DLG2: variants seen among roughly 807,000 people sequenced by gnomAD.
DLG2 encodes discs large MAGUK scaffold protein 2.
DLG2 carries 45 observed loss-of-function variants against 132.5 expected under a neutral mutation model. The ratio of observed to expected loss-of-function variants is 0.34; its 90% CI spans 0.27 to 0.44. The LOEUF (loss-of-function observed/expected upper bound fraction) is 0.44. Ranked by LOEUF, DLG2 falls within the 20% of genes least tolerant of loss-of-function variation. DLG2 has a pLI of 1.00. For missense variants in DLG2, 1,045 were observed against 1,196.9 expected (o/e 0.87, Z 1.87); for synonymous variants, 424 against 419.6 (o/e 1.01, Z -0.13).
chr11:85,269,406 T>C (rs1170421575), intron 4 of DLG2, among the ~76,000 whole-genome samples: 3 of 152,202 alleles, frequency 2.0e-5, no homozygotes. Flanking sequence ...ACATAAGTCC[T>C]TGAACTACTT....
At chr11:84,878,423 G>A (rs1485715341) in intron 6 of DLG2, among the ~76,000 whole-genome samples, 2 of 152,110 alleles carry the variant, frequency 1.3e-5, no homozygotes, top group Non-Finnish European at 2.9e-5. Context: ...GGATGAAGCT[G>A]GAAACCATCA....
intron 22 of DLG2, among the ~76,000 whole-genome samples, chr11:83,479,586 C>A (rs2092927578): frequency 1.3e-5 from 2 of 151,998 alleles, no homozygotes; most frequent in South Asian, 4.2e-4. Flanking sequence ...CACCAAAAAC[C>A]AGTAAGTAAG....
At chr11:84,777,709 A>G (rs780419886) in intron 6 of DLG2, among the ~76,000 whole-genome samples, 1 of 152,090 alleles carries the variant, frequency 6.6e-6, no homozygotes, top group Non-Finnish European at 1.5e-5. Flanking sequence ...GCTTTTCTTG[A>G]TAAGTGACGT....
At chr11:85,609,280 G>T (rs918936143) in intron 2 of DLG2, among the ~76,000 whole-genome samples, 68 of 152,180 alleles carry the variant, frequency 4.5e-4, no homozygotes, top group Non-Finnish European at 1.6e-4. Context: ...CCAATCAGCT[G>T]CAGATATCAG....
intron 2 of DLG2, among the ~76,000 whole-genome samples, chr11:85,611,580 C>T (rs2081002133): frequency 6.6e-6 from 1 of 152,224 alleles, no homozygotes; most frequent in Admixed American, 6.5e-5. Flanking sequence ...TGTAACCGTA[C>T]TTGAAAGTAA....
intron 3 of DLG2, among the ~76,000 whole-genome samples, chr11:85,541,928 A>T (rs1171054684): frequency 6.6e-6 from 1 of 152,198 alleles, no homozygotes; most frequent in African/African-American, 2.4e-5. Context: ...TGCTTTTAAA[A>T]AATAATAATA....
At chr11:84,946,057 T>A (rs998670888) in intron 6 of DLG2, among the ~76,000 whole-genome samples, 17 of 152,142 alleles carry the variant, frequency 1.1e-4, no homozygotes, top group Non-Finnish European at 2.5e-4. Context: ...CGGAGGGCTC[T>A]TCGGTCAGCT....
intron 3 of DLG2, among the ~76,000 whole-genome samples, chr11:85,382,687 C>T (rs530575985): frequency 6.1e-4 from 93 of 152,116 alleles, no homozygotes; most frequent in African/African-American, 1.3e-3. Flanking sequence ...AATATTTGAA[C>T]GGACAATTTG....
intron 7 of DLG2, among the ~76,000 whole-genome samples, chr11:84,452,544 A>G (rs1267825424): frequency 6.6e-6 from 1 of 151,802 alleles, no homozygotes; most frequent in Non-Finnish European, 1.5e-5. Flanking sequence ...AGTAACTTGG[A>G]AAAACTAATT....
intron 6 of DLG2, among the ~76,000 whole-genome samples, chr11:84,536,379 G>C (rs1473891245): frequency 4.0e-5 from 6 of 151,874 alleles, no homozygotes; most frequent in African/African-American, 1.5e-4. Context: ...AAGAGATGAA[G>C]TCCAAGTCTG....
intron 6 of DLG2, among the ~76,000 whole-genome samples, chr11:85,000,159 AATGT>A (rs1253356189): frequency 6.6e-6 from 1 of 152,154 alleles, no homozygotes; most frequent in Non-Finnish European, 1.5e-5. Context: ...ACAAGTCAGC[AATGT>A]ATGTCAGGTA....
At chr11:85,387,093 G>T (rs891706447) in intron 3 of DLG2, among the ~76,000 whole-genome samples, 1 of 151,916 alleles carries the variant, frequency 6.6e-6, no homozygotes, top group Non-Finnish European at 1.5e-5. Context: ...TCACCTGTCT[G>T]GTCAGGCTGG....
At chr11:84,922,965 T>C in intron 6 of DLG2, 1 of 1,340,448 alleles carries the variant, frequency 7.5e-7, no homozygotes, top group Admixed American at 1.8e-5. Context: ...CCTGTAATAA[T>C]CTGCCTGCTC....
intron 3 of DLG2, among the ~76,000 whole-genome samples, chr11:85,373,410 C>G (rs1441440045): frequency 6.6e-6 from 1 of 152,166 alleles, no homozygotes; most frequent in Non-Finnish European, 1.5e-5. Context: ...GCCATTTCCC[C>G]AAAACAGCGG....
At chr11:84,202,326 C>T (rs879024827) in intron 8 of DLG2, among the ~76,000 whole-genome samples, 2 of 152,074 alleles carry the variant, frequency 1.3e-5, no homozygotes, top group Non-Finnish European at 2.9e-5. Flanking sequence ...CACCTACAAC[C>T]ATCTGATCTT....
chr11:83,878,485 T>C (rs150835598), intron 15 of DLG2, among the ~76,000 whole-genome samples: 330 of 152,316 alleles, frequency 2.2e-3, no homozygotes, highest in African/African-American at 7.5e-3. Context: ...CTGGTCTATA[T>C]AGAGCACCTG....
At chr11:84,251,158 A>G (rs1002144698) in intron 8 of DLG2, 80 bp downstream of exon 8, 3 of 872,312 alleles carry the variant, frequency 3.4e-6, no homozygotes, top group Non-Finnish European at 5.2e-6. Context: ...GGGTGAAACT[A>G]AATGTGAATT....
chr11:84,890,697 A>G (rs2089226562), intron 6 of DLG2: 1 of 152,178 alleles, frequency 6.6e-6, no homozygotes, highest in Non-Finnish European at 1.5e-5. Context: ...CACCCCTAGC[A>G]CAGTTTCACT....
At chr11:84,344,953 T>G (rs1042461104) in intron 7 of DLG2, among the ~76,000 whole-genome samples, 2 of 152,118 alleles carry the variant, frequency 1.3e-5, no homozygotes, top group Non-Finnish European at 2.9e-5. Flanking sequence ...TAATAAAAGC[T>G]GAAGTGAAAA....
Sources: gnomAD v4.1 joint callset for allele counts (sites outside exome capture counted in the v4.1 genomes callset) on GRCh38, gnomAD v4.1.1 for gene constraint, MANE v1.5 for transcripts, NCBI Gene and HGNC (gene_info 2026-07-23, HGNC 2026-07-21) for gene names.